CIITA: variants seen among roughly 807,000 people sequenced by gnomAD.
CIITA encodes the protein MHC class II transactivator.
CIITA carries 72 observed loss-of-function variants against 115.1 expected under a neutral mutation model. That is an observed-to-expected ratio of 0.63 (90% CI 0.52 to 0.76). The LOEUF is 0.76. CIITA is among the 30% of genes least tolerant of loss of function. The pLI, the probability that CIITA is intolerant of heterozygous loss-of-function variation, is 0.00. For synonymous variants in CIITA, 763 were observed against 635.6 expected, an observed-to-expected ratio of 1.20 and a Z score of -3.02; for missense variants, 1,617 against 1,463.8, an observed-to-expected ratio of 1.10 and a Z score of -1.71.
upstream of CIITA, among the ~76,000 whole-genome samples, chr16:10,875,550 A>G (rs1690638417): frequency 1.3e-5 from 2 of 152,114 alleles, no homozygotes; most frequent in Non-Finnish European, 2.9e-5. Context: ...GAGGCACACA[A>G]GTCATGTTTC....
At chr16:10,904,179 C>A (rs1020205921) in intron 9 of CIITA, among the ~76,000 whole-genome samples, 2 of 152,026 alleles carry the variant, frequency 1.3e-5, no homozygotes, top group African/African-American at 2.4e-5. Context: ...AAGTTGAAAA[C>A]CCTGATTTTT....
intron 1 of CIITA, among the ~76,000 whole-genome samples, chr16:10,882,110 A>G (rs887332832): frequency 1.1e-4 from 16 of 152,324 alleles, no homozygotes; most frequent in African/African-American, 3.6e-4. Flanking sequence ...TATTGTGAAT[A>G]ATCTTGCTAG....
chr16:10,940,242 C>G (rs1275728981), downstream of CIITA: 1 of 152,174 alleles, frequency 6.6e-6, no homozygotes, highest in Non-Finnish European at 1.5e-5. This position sits in a 1 kb window ranked among gnomAD's most constrained non-coding sequence, Gnocchi z 4.2. Context: ...TTGCGGGGTG[C>G]GGCCTTAGGG....
intron 16 of CIITA, 35 bp downstream of exon 16, chr16:10,918,561 G>C (rs1243035824): frequency 6.3e-7 from 1 of 1,590,536 alleles, no homozygotes; most frequent in East Asian, 2.2e-5. Context: ...CAGGTGCTGA[G>C]CTGGGGGGCT....
chr16:10,915,047 C>CT (rs1017180733), intron 13 of CIITA: 4 of 456,046 alleles, frequency 8.8e-6, no homozygotes, highest in African/African-American at 2.0e-5. Flanking sequence ...TTTTTCTTTT[C>CT]TTTTTTTGTT....
In CIITA at chr16:10,907,111, G is replaced by A. The variant is rs2039221962; in HGVS notation, c.1619G>A (p.Gly540Asp). The A allele has an allele frequency of 1.2e-6, 2 of 1,610,864 alleles. No homozygotes were observed. The highest frequency in any genetic ancestry group is 3.3e-5 in the Admixed American group (2 of 59,978). Reference sequence around the variant, plus strand: ...CTTTTCCAGAAGAAGCTGCTCCGAGGTTGCACCCTCCTCCTCACAGCCCGG... The same window carrying A: ...CTTTTCCAGAAGAAGCTGCTCCGAGATTGCACCCTCCTCCTCACAGCCCGG... Reference protein sequence around the residue: ...AGLFQKKLLRGCTLLLTARPR... With the variant: ...AGLFQKKLLRDCTLLLTARPR... Residue 540 changes from glycine (G) to aspartate (D), a missense_variant, in exon 11 of 20, where the codon GGT (glycine) becomes GAT (aspartate). Transcript: ENST00000324288. The surrounding 1 kb of genome is among the most constrained non-coding windows in gnomAD (Gnocchi z 5.0).
intron 1 of CIITA, among the ~76,000 whole-genome samples, chr16:10,866,771 A>G (rs1021216484): frequency 3.9e-5 from 6 of 151,946 alleles, no homozygotes; most frequent in African/African-American, 1.5e-4. Flanking sequence ...CGTGCTTCCC[A>G]CTCTGCTGGA....
At chr16:10,909,426 A>G (rs1048083532) in intron 12 of CIITA, among the ~76,000 whole-genome samples, 3 of 152,248 alleles carry the variant, frequency 2.0e-5, no homozygotes, top group Non-Finnish European at 2.9e-5. Context: ...AGTCTTAGCT[A>G]AAGCCATGGA....
intron 1 of CIITA, among the ~76,000 whole-genome samples, chr16:10,891,658 G>C (rs1014721117): frequency 3.3e-5 from 5 of 152,136 alleles, no homozygotes; most frequent in Non-Finnish European, 5.9e-5. Flanking sequence ...AATGGGAGGC[G>C]GGCATCAGGC....
chr16:10,889,807 T>C (rs544850374), intron 1 of CIITA, among the ~76,000 whole-genome samples: 1 of 152,260 alleles, frequency 6.6e-6, no homozygotes, highest in African/African-American at 2.4e-5. Flanking sequence ...GCAATCTTCA[T>C]TCTCCAGAAC....
chr16:10,880,558 C>G (rs1357642346), intron 1 of CIITA, among the ~76,000 whole-genome samples: 2 of 152,162 alleles, frequency 1.3e-5, no homozygotes, highest in Admixed American at 6.5e-5. Flanking sequence ...AGAGCCCAGC[C>G]CAGTGCAGCA....
chr16:10,906,381 A>G (rs2039151875), intron 10 of CIITA, 118 bp from the exon 11 acceptor site: 1 of 1,262,572 alleles, frequency 7.9e-7, no homozygotes, highest in South Asian at 1.3e-5. Context: ...AAACAAACAA[A>G]CAAAAAAACT....
chr16:10,916,801 C>T (rs916610077), intron 15 of CIITA: 16 of 423,060 alleles, frequency 3.8e-5, no homozygotes, highest in Admixed American at 7.6e-5. Flanking sequence ...CTCATCCAAC[C>T]GCTCACTCAA....
At chr16:10,890,656 C>T (rs2037472036) in intron 1 of CIITA, among the ~76,000 whole-genome samples, 1 of 152,188 alleles carries the variant, frequency 6.6e-6, no homozygotes, top group Non-Finnish European at 1.5e-5. Context: ...GAAAGCTCGG[C>T]TTCACAAAGT....
Position 10,879,745 on chromosome 16 carries a change from G to A in CIITA, c.52+2363G>A, listed in dbSNP as rs13330172. 0.61 allele frequency among the ~76,000 whole-genome samples: 92,963 copies of A among 151,750 alleles called. 30,410 individuals carry two copies. Among genetic ancestry groups the A allele is most frequent in the Middle Eastern group, 0.74 (219 of 294 alleles). On this transcript the variant is annotated intron_variant, in intron 1 of 19. Coordinates refer to ENST00000324288, the MANE Select transcript of CIITA (RefSeq NM_000246.4). The surrounding 1 kb of genome is among the most constrained non-coding windows in gnomAD (Gnocchi z 4.3). Reference sequence around the variant, plus strand: ...TAAGGAGAGAGGCTAAAGCGCCCCGGAAAGCCAGCGTGCGAATGCCGGGGT... The same window carrying A: ...TAAGGAGAGAGGCTAAAGCGCCCCGAAAAGCCAGCGTGCGAATGCCGGGGT...
intron 3 of CIITA, among the ~76,000 whole-genome samples, chr16:10,896,446 G>A (rs777831848): frequency 1.1e-4 from 16 of 152,228 alleles, no homozygotes; most frequent in Non-Finnish European, 2.2e-4. Flanking sequence ...GCCTTAAGAA[G>A]AGCTACAGCT....
chr16:10,876,569 T>A (rs1366289539), upstream of CIITA, among the ~76,000 whole-genome samples: 1 of 152,224 alleles, frequency 6.6e-6, no homozygotes, highest in East Asian at 1.9e-4. Flanking sequence ...GGGCAGAGAC[T>A]GGAAAAGACA....
chr16:10,885,488 C>T (rs2143829251), intron 1 of CIITA, among the ~76,000 whole-genome samples: 1 of 152,334 alleles, frequency 6.6e-6, no homozygotes, highest in African/African-American at 2.4e-5. Context: ...TCTCCGTCTC[C>T]TGTGACCTCC....
At position 10,895,767 on chromosome 16, in the gene CIITA, G is replaced by A. The variant is rs2038065038; in HGVS notation, c.295+3G>A. On this transcript the variant is annotated splice_donor_region_variant and intron_variant, in intron 3 of 19. Coordinates refer to ENST00000324288, the MANE Select transcript of CIITA (RefSeq NM_000246.4). ...CAGGGAGGCTTATGCCAATATCGGT[G>A]AGGAAGCACCTGAGCCCAGAAAAGG... The A allele has an allele frequency of 5.0e-6, 8 of 1,614,018 alleles. No homozygotes were observed. The highest frequency in any genetic ancestry group is 3.3e-5 in the South Asian group (3 of 91,058).
Sources: gnomAD v4.1 joint callset for allele counts (sites outside exome capture counted in the v4.1 genomes callset) on GRCh38, gnomAD v4.1.1 for gene constraint, Gnocchi (gnomAD v3.1) non-coding constraint, MANE v1.5 for transcripts, NCBI Gene and HGNC (gene_info 2026-07-23, HGNC 2026-07-21) for gene names.